P2RX5: variants seen among roughly 807,000 people sequenced by gnomAD.
The protein encoded by P2RX5 is P2X purinoceptor 5.
Under a neutral mutation model 54.1 loss-of-function variants are expected in P2RX5, and 46 were observed. The ratio of observed to expected loss-of-function variants is 0.85; its 90% CI spans 0.67 to 1.09. P2RX5 has a LOEUF of 1.09. Among genes scored for constraint, P2RX5 ranks in the 50% least tolerant of loss-of-function variants. The probability of loss-of-function intolerance (pLI) is 0.00; values close to 1 mark genes in which losing one functional copy is unlikely to be tolerated. For missense variants in P2RX5, 566 were observed against 549.8 expected, an observed-to-expected ratio of 1.03 and a Z score of -0.29; for synonymous variants, 226 against 226.4, an observed-to-expected ratio of 1.00 and a Z score of 0.02.
the P2RX5 span, among the ~76,000 whole-genome samples, chr17:3,707,787 G>A: frequency 1.3e-5 from 2 of 152,034 alleles, no homozygotes; most frequent in East Asian, 1.9e-4. Flanking sequence ...GGCCAGACGC[G>A]GTGGCTCACG....
At chr17:3,692,663 G>A (rs1196914650) in intron 1 of P2RX5, among the ~76,000 whole-genome samples, 1 of 152,080 alleles carries the variant, frequency 6.6e-6, no homozygotes, top group Admixed American at 6.6e-5. Flanking sequence ...GCAACACAGT[G>A]AGACCCCATC....
chr17:3,723,442 T>C, the P2RX5 span: 763 of 1,283,908 alleles, frequency 5.9e-4, no homozygotes, highest in Non-Finnish European at 6.8e-4. Context: ...CTGAAATCTT[T>C]TTAACACTTC....
chr17:3,701,760 T>G, the P2RX5 span, among the ~76,000 whole-genome samples: 7 of 121,620 alleles, frequency 5.8e-5, no homozygotes, highest in South Asian at 6.0e-4. Context: ...TTTTTTTTTT[T>G]GTTTTTTTTT....
intron 8 of P2RX5, among the ~76,000 whole-genome samples, chr17:3,688,419 A>G (rs1485387273): frequency 6.6e-6 from 1 of 152,206 alleles, no homozygotes; most frequent in Non-Finnish European, 1.5e-5. Context: ...GAAACAGGCA[A>G]GAACACGCGC....
intron 9 of P2RX5, among the ~76,000 whole-genome samples, chr17:3,684,106 C>A (rs552011941): frequency 2.0e-5 from 3 of 151,874 alleles, no homozygotes; most frequent in Admixed American, 1.3e-4. Context: ...CCTTTCCCTG[C>A]CCTCAGTCCC....
At position 3,688,751 on chromosome 17, in the gene P2RX5, C is replaced by T; in HGVS notation, c.762G>A (p.Val254=). The change falls in exon 8 of 12, where the codon GTG becomes GTA. Residue 254 remains valine, a synonymous_variant. Transcript: ENST00000225328. ...AGTTCCATTCAATATTAATTCCTAT[C>T]ACGCCACCCTTGATAAAAGAGAGAT... ...DFQDIALEGG[V]IGINIEWNCD... 1 of 1,614,082 alleles carries T rather than the reference C, an allele frequency of 6.2e-7. No homozygotes were observed.
At chr17:3,701,685 ACT>A in the P2RX5 span, among the ~76,000 whole-genome samples, 2 of 112,170 alleles carry the variant, frequency 1.8e-5, no homozygotes, top group African/African-American at 6.3e-5. Context: ...CAAGAGTGAA[ACT>A]CTGTCTCAGA....
At chr17:3,691,265 G>T (rs188214102) in intron 2 of P2RX5, among the ~76,000 whole-genome samples, 1 of 152,234 alleles carries the variant, frequency 6.6e-6, no homozygotes, top group Non-Finnish European at 1.5e-5. Flanking sequence ...GGAGAAGTGG[G>T]CGCAGGGCTC....
rs2050188304 is a variant in P2RX5, at chr17:3,679,797, C to T, written c.1065-13G>A. The T allele has an allele frequency of 1.9e-6, 3 of 1,606,628 alleles. No individual in the cohort carries two copies. Among genetic ancestry groups the T allele is most frequent in the East Asian group, 2.2e-5 (1 of 44,900 alleles). On this transcript the variant is annotated splice_polypyrimidine_tract_variant and intron_variant, in intron 10 of 11. Coordinates refer to ENST00000225328, the MANE Select transcript of P2RX5 (RefSeq NM_002561.4). Reference sequence around the variant, plus strand: ...GTCTTCTAGGCCCCTGGACAAGATACAAGCTGTTCACCTGGGACGGCCCTG... The same window carrying T: ...GTCTTCTAGGCCCCTGGACAAGATATAAGCTGTTCACCTGGGACGGCCCTG...
the P2RX5 span, among the ~76,000 whole-genome samples, chr17:3,714,279 G>A: frequency 6.6e-6 from 1 of 151,120 alleles, no homozygotes; most frequent in South Asian, 2.1e-4. Flanking sequence ...CTAGGCTGGA[G>A]TGCAGTGGCA....
the P2RX5 span, among the ~76,000 whole-genome samples, chr17:3,716,181 A>G: frequency 1.3e-5 from 2 of 151,278 alleles, no homozygotes; most frequent in South Asian, 4.2e-4. Flanking sequence ...AAAAAAAAAA[A>G]AGAAAAAAAA....
the P2RX5 span, among the ~76,000 whole-genome samples, chr17:3,719,799 C>T: frequency 2.8e-3 from 419 of 149,470 alleles, 3 homozygotes; most frequent in African/African-American, 9.8e-3. Flanking sequence ...GTGATCTCGG[C>T]TCACTGCAAC....
At chr17:3,719,093 A>G in the P2RX5 span, among the ~76,000 whole-genome samples, 20,430 of 151,496 alleles carry the variant, frequency 0.13, 4,628 homozygotes, top group African/African-American at 0.47. Context: ...TAAATTAGCC[A>G]GGCATGGTGG....
chr17:3,682,536 G>T (rs751130444), intron 9 of P2RX5: 3 of 180,822 alleles, frequency 1.7e-5, no homozygotes, highest in Non-Finnish European at 3.6e-5. Context: ...AGAGGGAGAT[G>T]CGCTTCTGGA....
At chr17:3,689,905 T>TGCACACAGACACATGCACGCGCACACAC (rs2050558520) in intron 6 of P2RX5, among the ~76,000 whole-genome samples, 165 bp downstream of exon 6, 1 of 149,404 alleles carries the variant, frequency 6.7e-6, no homozygotes, top group Non-Finnish European at 1.5e-5. Context: ...CACGCACACA[T>TGCACACAGACACATGCACGCGCACACAC]GCACACAGAC....
At chr17:3,679,850 G>A (rs2050190231) in intron 10 of P2RX5, 66 bp from the exon 11 acceptor site, 2 of 1,413,986 alleles carry the variant, frequency 1.4e-6, no homozygotes. Flanking sequence ...TAGACGGGCG[G>A]AGTGGGCCTT....
Position 3,681,893 on chromosome 17 carries a change from G to T in P2RX5, c.1064+3C>A. 1 of 1,607,222 alleles carries T rather than the reference G, an allele frequency of 6.2e-7. No individual in the cohort carries two copies. Among genetic ancestry groups the T allele is most frequent in the South Asian group, 1.1e-5 (1 of 90,898 alleles). ...GGGCCGCCGGCCTGGAAGCGGAACT[G>T]ACCTCACTTCCTCGTACTTCTTGTC... On this transcript the variant is annotated splice_donor_region_variant and intron_variant, in intron 10 of 11. Transcript: ENST00000225328.
intron 11 of P2RX5, among the ~76,000 whole-genome samples, chr17:3,674,684 C>G (rs555549879): frequency 6.6e-6 from 1 of 152,252 alleles, no homozygotes; most frequent in Non-Finnish European, 1.5e-5. Context: ...CCAGGTTCTC[C>G]GTTGCTCCTT....
At chr17:3,674,111 G>A (rs959987074) in intron 11 of P2RX5, among the ~76,000 whole-genome samples, 2 of 152,218 alleles carry the variant, frequency 1.3e-5, no homozygotes, top group Non-Finnish European at 2.9e-5. Context: ...TCAGGAGATC[G>A]AGACCATCCT....
Sources: allele counts gnomAD v4.1 joint callset (sites outside exome capture counted in the v4.1 genomes callset), GRCh38; gene constraint gnomAD v4.1.1; transcripts MANE v1.5; gene names NCBI Gene and HGNC (gene_info 2026-07-23, HGNC 2026-07-21).